RHOQ: variants seen among roughly 807,000 people sequenced by gnomAD.
The protein encoded by RHOQ is ras homolog family member Q.
In RHOQ, 7 loss-of-function variants were observed where a neutral mutation model predicts 25.8. The observed-to-expected ratio is 0.27, with a 90% CI of 0.15 to 0.51. The LOEUF (loss-of-function observed/expected upper bound fraction) is 0.51. Among genes scored for constraint, RHOQ ranks in the 20% least tolerant of loss-of-function variants. The pLI is 0.97. For synonymous variants in RHOQ, 97 were observed against 98.6 expected (o/e 0.98, Z 0.10); for missense variants, 165 against 260.6 (o/e 0.63, Z 2.53).
chr2:46,580,602 CCAG>C (rs1399076164), intron 4 of RHOQ: 1 of 186,504 alleles, frequency 5.4e-6, no homozygotes, highest in Non-Finnish European at 1.1e-5. Context: ...TGCCTCTTAC[CCAG>C]CAGATGTCAG....
intron 2 of RHOQ, among the ~76,000 whole-genome samples, chr2:46,561,844 G>A (rs1303271547): frequency 6.6e-6 from 1 of 152,142 alleles, no homozygotes; most frequent in Non-Finnish European, 1.5e-5. Context: ...TGAGGAAATA[G>A]GGTCAGAGAT....
intron 2 of RHOQ, chr2:46,560,565 T>G (rs1405888622): frequency 2.2e-6 from 1 of 456,246 alleles, no homozygotes; most frequent in African/African-American, 2.0e-5. Context: ...AGGAGATTTC[T>G]GTTTCATCTG....
intron 2 of RHOQ, among the ~76,000 whole-genome samples, chr2:46,559,310 T>C (rs1248047301): frequency 6.6e-6 from 1 of 152,210 alleles, no homozygotes; most frequent in African/African-American, 2.4e-5. Context: ...TGTTTTTTGA[T>C]GGTATATCAT....
intron 4 of RHOQ, among the ~76,000 whole-genome samples, chr2:46,578,644 T>G (rs947256788): frequency 1.5e-5 from 2 of 129,628 alleles, no homozygotes; most frequent in African/African-American, 5.9e-5. Flanking sequence ...TAGTCCCAGC[T>G]ACTTGGGGGG....
intron 2 of RHOQ, among the ~76,000 whole-genome samples, chr2:46,551,584 C>T (rs1668243332): frequency 6.6e-6 from 1 of 152,154 alleles, no homozygotes; most frequent in Non-Finnish European, 1.5e-5. Context: ...TGGTGACTGA[C>T]AACTTGGTAA....
chr2:46,549,774 C>T (rs142818269), intron 2 of RHOQ, among the ~76,000 whole-genome samples: 6 of 152,256 alleles, frequency 3.9e-5, no homozygotes, highest in African/African-American at 1.2e-4. Flanking sequence ...TCTCAGGGGT[C>T]CCCCGGCTCC....
At chr2:46,579,786 G>C (rs1276001821) in intron 4 of RHOQ, among the ~76,000 whole-genome samples, 2 of 150,988 alleles carry the variant, frequency 1.3e-5, no homozygotes, top group South Asian at 4.2e-4. Flanking sequence ...CAGAGGTTGT[G>C]ATGAGCCAAG....
intron 2 of RHOQ, among the ~76,000 whole-genome samples, chr2:46,551,722 C>T (rs781630783): frequency 2.0e-5 from 3 of 152,144 alleles, no homozygotes; most frequent in Non-Finnish European, 2.9e-5. Context: ...CTGAAGCAGC[C>T]GCCTCTCCAG....
intron 2 of RHOQ, 25 bp downstream of exon 2, chr2:46,543,837 C>T (rs1667936948): frequency 1.2e-6 from 2 of 1,603,484 alleles, no homozygotes; most frequent in Non-Finnish European, 1.7e-6. Context: ...CTCTGGCCGA[C>T]GCCCCCCTCC....
intron 4 of RHOQ, chr2:46,577,229 A>G (rs530635122): frequency 1.3e-5 from 2 of 152,284 alleles, no homozygotes; most frequent in South Asian, 4.1e-4. Flanking sequence ...CTAAAAATAT[A>G]TGTAACAGTG....
In RHOQ at chr2:46,576,597, C is replaced by T. The variant is rs936171950; in HGVS notation, c.403C>T (p.Leu135=). 3.1e-6 allele frequency: 5 copies of T among 1,609,476 alleles called. No homozygotes were observed. The African/African-American group carries it at 6.7e-5, about 22-fold the overall frequency. The change falls in exon 4 of 5, where the codon CTG becomes TTG. Residue 135 remains leucine, a synonymous_variant. Coordinates refer to ENST00000238738, the MANE Select transcript of RHOQ (RefSeq NM_012249.4). This position sits in a 1 kb window ranked among gnomAD's most constrained non-coding sequence, Gnocchi z 5.1. ...LRDDPKTLAR[L]NDMKEKPICV... ...AGATGACCCCAAAACTTTAGCAAGA[C>T]TGAATGATATGAAAGAAAAACCTAT...
chr2:46,583,929 G>A lies in RHOQ; in HGVS notation c.*2846G>A, dbSNP rs753540264. 8.5e-5 allele frequency among the ~76,000 whole-genome samples: 13 copies of A among 152,062 alleles called. No individual in the cohort carries two copies. The highest frequency in any genetic ancestry group is 1.9e-4 in the Non-Finnish European group (13 of 67,982). ...TCTAAAGTTCTTAAAAATAAATTTA[G>A]GGGCTCCCTGAAATTTTATTTAATA... On this transcript the variant is annotated 3_prime_UTR_variant, in exon 5 of 5. Transcript: ENST00000238738.
intron 2 of RHOQ, among the ~76,000 whole-genome samples, chr2:46,546,486 A>ATATATATATATGTATATG (rs1668062438): frequency 1.8e-4 from 4 of 21,662 alleles, no homozygotes; most frequent in Non-Finnish European, 3.1e-4. Flanking sequence ...GTATATATAT[A>ATATATATATATGTATATG]TATATATATA....
At chr2:46,560,781 T>C (rs931858180) in intron 2 of RHOQ, 2 of 277,222 alleles carry the variant, frequency 7.2e-6, no homozygotes, top group Non-Finnish European at 1.5e-5. Flanking sequence ...AGTTAACATA[T>C]TTTTCAGATA....
rs1447844549 is a variant in RHOQ, at chr2:46,548,134, T to TA, written c.201+4325dup. Among the ~76,000 whole-genome samples the TA allele has an allele frequency of 1.3e-5, 2 of 152,230 alleles. No individual in the cohort carries two copies. Among genetic ancestry groups the TA allele is most frequent in the Non-Finnish European group, 2.9e-5 (2 of 68,040 alleles). ...TGTATTGTTTCTATGTCTGTTAACT[T>TA]AAACACACAAGTTCAGGGAAGCGTC... On this transcript the variant is annotated intron_variant, in intron 2 of 4. Transcript: ENST00000238738. This position sits in a 1 kb window ranked among gnomAD's most constrained non-coding sequence, Gnocchi z 5.2.
intron 4 of RHOQ, among the ~76,000 whole-genome samples, chr2:46,578,294 C>A (rs1167760132): frequency 6.6e-6 from 1 of 151,946 alleles, no homozygotes; most frequent in African/African-American, 2.4e-5. Context: ...TATGCAAAAT[C>A]CTTAAAATCA....
rs765229981 is a variant in RHOQ, at chr2:46,543,083, G to T, written c.37G>T (p.Val13Leu). Residue 13 changes from valine (V) to leucine (L), a missense_variant, in exon 1 of 5, where the codon GTG becomes TTG. Coordinates refer to ENST00000238738, the MANE Select transcript of RHOQ (RefSeq NM_012249.4). ...GCCCGGCGCGCTGATGCTCAAGTGC[G>T]TGGTGGTCGGCGACGGGGCGGTGGG... ...HGPGALMLKC[V>L]VVGDGAVGKT... 1 of 1,608,990 alleles carries T rather than the reference G, an allele frequency of 6.2e-7. No individual in the cohort carries two copies. Among genetic ancestry groups the T allele is most frequent in the South Asian group, 1.1e-5 (1 of 90,720 alleles).
At chr2:46,550,230 G>A (rs1255491883) in intron 2 of RHOQ, among the ~76,000 whole-genome samples, 4 of 150,306 alleles carry the variant, frequency 2.7e-5, no homozygotes, top group South Asian at 2.1e-4. Flanking sequence ...GAGCGAGACC[G>A]TGTTTATTTA....
intron 2 of RHOQ, among the ~76,000 whole-genome samples, chr2:46,574,399 A>G (rs940185544): frequency 6.6e-6 from 1 of 151,614 alleles, no homozygotes; most frequent in African/African-American, 2.4e-5. Context: ...CAGAAAGTAC[A>G]TATAAGGCAC....
Sources: gnomAD v4.1 joint callset for allele counts (sites outside exome capture counted in the v4.1 genomes callset) on GRCh38, gnomAD v4.1.1 for gene constraint, Gnocchi (gnomAD v3.1) non-coding constraint, MANE v1.5 for transcripts, NCBI Gene and HGNC (gene_info 2026-07-23, HGNC 2026-07-21) for gene names.